PLAU: variants seen among roughly 807,000 people sequenced by gnomAD.
PLAU encodes urokinase-type plasminogen activator.
Under a neutral mutation model 48.9 loss-of-function variants are expected in PLAU, and 32 were observed. The observed-to-expected ratio is 0.65, with a 90% confidence interval of 0.49 to 0.88. The LOEUF (loss-of-function observed/expected upper bound fraction) is 0.88. PLAU is among the 40% of genes least tolerant of loss of function. PLAU has a pLI of 0.00. For synonymous variants in PLAU, 199 were observed against 205.7 expected (o/e 0.97, Z 0.28); for missense variants, 455 against 545.2 (o/e 0.83, Z 1.65).
At chr10:73,913,149 A>G (rs768958360) in intron 5 of PLAU, 51 bp downstream of exon 5, 6 of 1,591,824 alleles carry the variant, frequency 3.8e-6, no homozygotes, top group Non-Finnish European at 4.3e-6. Flanking sequence ...CTTCCCAGAA[A>G]CCTTGTTACC....
chr10:73,915,029 G>A, intron 9 of PLAU, 113 bp downstream of exon 9: 1 of 1,219,356 alleles, frequency 8.2e-7, no homozygotes, highest in Non-Finnish European at 1.2e-6. Flanking sequence ...CACTGAGGCG[G>A]TGGCAGATGG....
upstream of PLAU, chr10:73,910,198 C>T (rs1342097723): frequency 6.6e-6 from 1 of 152,226 alleles, no homozygotes; most frequent in Admixed American, 6.5e-5. Flanking sequence ...CTCCCAATTC[C>T]TCTACTCAGA....
upstream of PLAU, among the ~76,000 whole-genome samples, chr10:73,908,976 TAA>T (rs201407499): frequency 2.1e-5 from 3 of 142,798 alleles, no homozygotes; most frequent in Non-Finnish European, 3.1e-5. Context: ...ACCTTGTCTT[TAA>T]AAAAAAAAAA....
chr10:73,916,302 C>T (rs2096136683), intron 10 of PLAU, 87 bp from the exon 11 acceptor site: 1 of 1,198,578 alleles, frequency 8.3e-7, no homozygotes, highest in Non-Finnish European at 1.2e-6. Flanking sequence ...GGAAACTCTT[C>T]CCTCTCTCTG....
At chr10:73,911,256 G>C (rs955893116) in intron 1 of PLAU, 38 bp downstream of exon 1, 3 of 471,008 alleles carry the variant, frequency 6.4e-6, no homozygotes, top group Non-Finnish European at 7.5e-6. Flanking sequence ...GGCCGGATGC[G>C]CGGCGGCCCC....
chr10:73,914,964 A>G (rs1281650814), intron 9 of PLAU, 48 bp downstream of exon 9: 2 of 1,598,094 alleles, frequency 1.3e-6, no homozygotes, highest in Non-Finnish European at 1.7e-6. Context: ...GAGTGTTTTG[A>G]CCTGAAAATG....
chr10:73,911,241 C>A, intron 1 of PLAU, 23 bp downstream of exon 1: 2 of 445,392 alleles, frequency 4.5e-6, no homozygotes, highest in Non-Finnish European at 8.0e-6. Context: ...GTCCTGAGAT[C>A]CCCGGGCCGG....
At chr10:73,914,236 C>T (rs1326603761) in intron 8 of PLAU, 108 bp downstream of exon 8, 5 of 1,133,616 alleles carry the variant, frequency 4.4e-6, no homozygotes, top group Admixed American at 2.0e-5. Context: ...AGGGGTGGGG[C>T]GAGGGACCTT....
intron 8 of PLAU, 90 bp from the exon 9 acceptor site, chr10:73,914,686 C>CATAG (rs1461790019): frequency 5.4e-6 from 7 of 1,285,624 alleles, no homozygotes; most frequent in Non-Finnish European, 7.6e-6. Flanking sequence ...TAGGGATAGG[C>CATAG]ATAGCTACTT....
intron 10 of PLAU, 33 bp downstream of exon 10, chr10:73,915,432 C>T: frequency 1.3e-6 from 2 of 1,564,156 alleles, no homozygotes; most frequent in Non-Finnish European, 1.7e-6. Context: ...TCCACCTCTT[C>T]CATATCTCCC....
upstream of PLAU, chr10:73,910,686 G>A (rs2096122027): frequency 6.6e-6 from 1 of 152,244 alleles, no homozygotes; most frequent in African/African-American, 2.4e-5. Flanking sequence ...TCGTACATTT[G>A]TCGCGTTGAT....
intron 4 of PLAU, among the ~76,000 whole-genome samples, chr10:73,912,710 G>A (rs2096127005): frequency 6.6e-6 from 1 of 152,048 alleles, no homozygotes; most frequent in Non-Finnish European, 1.5e-5. Flanking sequence ...AATCAGCCTG[G>A]CATGGTAGTG....
In PLAU at chr10:73,914,082, A is replaced by G. The variant is rs766594093; in HGVS notation, c.783A>G (p.Leu261=). ...AGTTTGAGGTGGAAAACCTCATCCT[A>G]CACAAGGACTACAGCGCTGACACGC... is the stretch of plus-strand genomic sequence containing the variant. ...EMKFEVENLI[L]HKDYSADTLA... is the part of the protein sequence containing the mutation. The change falls in exon 8 of 11, where the codon CTA becomes CTG. Residue 261 remains leucine (L), a synonymous_variant. Transcript: ENST00000372764. The G allele has an allele frequency of 2.5e-6, 4 of 1,614,058 alleles. No individual in the cohort carries two copies. The highest frequency in any genetic ancestry group is 2.2e-5 in the East Asian group (1 of 44,900).
In PLAU at chr10:73,914,143, C is replaced by G. The variant is rs372331139; in HGVS notation, c.829+15C>G. 1 of 1,613,310 alleles carries G rather than the reference C, an allele frequency of 6.2e-7. No homozygotes were observed. Among genetic ancestry groups the G allele is most frequent in the African/African-American group, 1.3e-5 (1 of 75,042 alleles). On this transcript the variant is annotated intron_variant, in intron 8 of 10. Coordinates refer to ENST00000372764, the MANE Select transcript of PLAU (RefSeq NM_002658.6). ...CAACGACATTGGTGAGGGGGAACCC[C>G]GCGACTACTGTGGCCATAATGGCTT...
Position 73,912,307 on chromosome 10 carries a change from C to T in PLAU, c.178C>T (p.Gln60Ter), listed in dbSNP as rs1174816874. 6.2e-7 allele frequency: 1 copy of T among 1,602,710 alleles called. No homozygotes were observed. Among genetic ancestry groups the T allele is most frequent in the East Asian group, 2.3e-5 (1 of 44,290 alleles). Residue 60 changes from glutamine (Q) to a stop codon, truncating the protein, a stop_gained, in exon 4 of 11, where the codon CAG (glutamine) becomes TAG (stop). Transcript: ENST00000372764. LOFTEE classifies it high-confidence loss of function. ...CAACTGCCCAAAGAAATTCGGAGGG[C>T]AGCACTGTGAAATAGGTATGGGGAT... ...WCNCPKKFGG[Q>*]HCEIDKSKTC... is the part of the protein sequence containing the mutation.
Position 73,912,198 on chromosome 10 carries a change from A to G in PLAU, c.86-17A>G, listed in dbSNP as rs748772626. 5 of 1,613,820 alleles carry G rather than the reference A, an allele frequency of 3.1e-6. No homozygotes were observed. The highest frequency in any genetic ancestry group is 3.4e-6 in the Non-Finnish European group (4 of 1,179,998). ...ACTTCCACTCCCCCTCGCTTACCCC[A>G]CCTTTGTTCTCTCCAGCGAACTGTG... On this transcript the variant is annotated splice_polypyrimidine_tract_variant and intron_variant, in intron 3 of 10. Coordinates refer to ENST00000372764, the MANE Select transcript of PLAU (RefSeq NM_002658.6).
At chr10:73,910,457 G>C (rs1159434865), upstream of PLAU, 1 of 152,204 alleles carries the variant, frequency 6.6e-6, no homozygotes, top group Non-Finnish European at 1.5e-5. Flanking sequence ...GTCAAAAACG[G>C]ACTTTAAACC....
intron 3 of PLAU, 73 bp downstream of exon 3, chr10:73,912,141 C>A: frequency 2.5e-6 from 4 of 1,611,606 alleles, no homozygotes; most frequent in Non-Finnish European, 3.4e-6. Context: ...CCCCTCCCTG[C>A]CCTCTGCTGC....
Position 73,913,858 on chromosome 10 carries a change from T to A in PLAU, c.680+100T>A. 10 of 1,371,194 alleles carry A rather than the reference T, an allele frequency of 7.3e-6. No homozygotes were observed. The South Asian group carries it at 1.2e-4, about 16-fold the overall frequency. 84.9% of individuals were successfully genotyped at this position (1,371,194 alleles called of 1,614,324 possible). A position where few individuals can be genotyped will look rare whatever the true frequency, so the allele number is the denominator to read the frequency against. On this transcript the variant is annotated intron_variant, in intron 7 of 10. Transcript: ENST00000372764. ...TGTTCCGCCTCATTTCTCCCTCATCTGCCCCTGTCCATGCAGCCCATGGCC... is the reference window on the plus strand; with the variant it reads ...TGTTCCGCCTCATTTCTCCCTCATCAGCCCCTGTCCATGCAGCCCATGGCC...
Sources: gnomAD v4.1 joint callset for allele counts (sites outside exome capture counted in the v4.1 genomes callset) on GRCh38, gnomAD v4.1.1 for gene constraint, MANE v1.5 for transcripts, NCBI Gene and HGNC (gene_info 2026-07-23, HGNC 2026-07-21) for gene names.